ARB2A: variants seen among roughly 807,000 people sequenced by gnomAD.
ARB2A encodes the protein ARB2 cotranscriptional regulator A.
chr5:93,657,332 A>G, the ARB2A span, among the ~76,000 whole-genome samples: 1 of 152,196 alleles, frequency 6.6e-6, no homozygotes, highest in Non-Finnish European at 1.5e-5. Context: ...TAATGCTAGT[A>G]AGCAAGCTGG....
chr5:93,744,434 CAAAAAAAAAAAAAA>C, the ARB2A span, among the ~76,000 whole-genome samples: 6 of 14,536 alleles, frequency 4.1e-4, no homozygotes, highest in Non-Finnish European at 6.6e-4. Context: ...GACTCAGTCT[CAAAAAAAAAAAAAA>C]AAAAAAAAAA....
At chr5:93,933,319 T>C in the ARB2A span, among the ~76,000 whole-genome samples, 1 of 152,188 alleles carries the variant, frequency 6.6e-6, no homozygotes. Flanking sequence ...CCTAAAGGAT[T>C]ATAAATCATT....
At chr5:93,676,561 C>G in the ARB2A span, among the ~76,000 whole-genome samples, 1 of 152,076 alleles carries the variant, frequency 6.6e-6, no homozygotes, top group Non-Finnish European at 1.5e-5. Flanking sequence ...TCATTCTGAA[C>G]AATGAAACAT....
At chr5:93,974,799 T>C in the ARB2A span, among the ~76,000 whole-genome samples, 1 of 151,976 alleles carries the variant, frequency 6.6e-6, no homozygotes, top group African/African-American at 2.4e-5. Context: ...CATGGTGGAA[T>C]AAAAATAGAA....
chr5:94,051,733 T>C, the ARB2A span, among the ~76,000 whole-genome samples: 1 of 152,236 alleles, frequency 6.6e-6, no homozygotes, highest in African/African-American at 2.4e-5. Context: ...CAGAGAAACA[T>C]TCCTCATATC....
the ARB2A span, among the ~76,000 whole-genome samples, chr5:93,816,704 T>G: frequency 6.6e-6 from 1 of 152,158 alleles, no homozygotes; most frequent in Non-Finnish European, 1.5e-5. Context: ...ATTAGTGAAA[T>G]TTTTCTCCAC....
chr5:93,682,927 T>C, the ARB2A span: 1 of 1,576,186 alleles, frequency 6.3e-7, no homozygotes, highest in Non-Finnish European at 8.6e-7. Context: ...TGAATTTGGC[T>C]TCCACTTTGG....
chr5:93,833,050 G>C, the ARB2A span, among the ~76,000 whole-genome samples: 1 of 152,126 alleles, frequency 6.6e-6, no homozygotes. Flanking sequence ...GGTGGCTCAG[G>C]ATTACCTGCC....
At chr5:93,718,154 T>C in the ARB2A span, among the ~76,000 whole-genome samples, 2 of 151,912 alleles carry the variant, frequency 1.3e-5, no homozygotes, top group Non-Finnish European at 2.9e-5. Context: ...AAATAGAGTA[T>C]GACTCGGCTG....
At chr5:93,646,229 A>T in the ARB2A span, among the ~76,000 whole-genome samples, 1 of 152,276 alleles carries the variant, frequency 6.6e-6, no homozygotes, top group Non-Finnish European at 1.5e-5. Context: ...CAAGGGTGAA[A>T]AATAAGAATC....
chr5:93,653,906 C>T, the ARB2A span, among the ~76,000 whole-genome samples: 27 of 152,338 alleles, frequency 1.8e-4, no homozygotes, highest in East Asian at 3.7e-3. Context: ...ACTGGACTCA[C>T]ATCCATGTTT....
chr5:93,661,119 G>A, the ARB2A span, among the ~76,000 whole-genome samples: 3 of 152,106 alleles, frequency 2.0e-5, no homozygotes, highest in Non-Finnish European at 4.4e-5. Context: ...GAAAGACATG[G>A]CCCCTGTTTT....
chr5:93,705,776 C>T, the ARB2A span, among the ~76,000 whole-genome samples: 2 of 151,806 alleles, frequency 1.3e-5, no homozygotes, highest in Admixed American at 6.6e-5. Context: ...GAGTAAATGC[C>T]CTTCACTGAA....
chr5:93,848,744 C>G, the ARB2A span, among the ~76,000 whole-genome samples: 2 of 152,172 alleles, frequency 1.3e-5, no homozygotes, highest in Non-Finnish European at 2.9e-5. Flanking sequence ...GAACAAAGGG[C>G]TTCAAAGAAT....
the ARB2A span, among the ~76,000 whole-genome samples, chr5:93,766,091 G>A: frequency 6.6e-6 from 1 of 152,100 alleles, no homozygotes; most frequent in Non-Finnish European, 1.5e-5. Flanking sequence ...AATCCTAGAA[G>A]AAAACCTAGG....
At chr5:93,780,315 G>A in the ARB2A span, among the ~76,000 whole-genome samples, 3 of 152,160 alleles carry the variant, frequency 2.0e-5, no homozygotes, top group South Asian at 2.1e-4. Context: ...GAGGCCAGGG[G>A]TATGTTGGGA....
At chr5:94,000,627 T>C in the ARB2A span, among the ~76,000 whole-genome samples, 1 of 152,102 alleles carries the variant, frequency 6.6e-6, no homozygotes. Flanking sequence ...TCTCTTAACA[T>C]TGTTTTTTGT....
At chr5:93,871,730 T>C in the ARB2A span, among the ~76,000 whole-genome samples, 6 of 152,178 alleles carry the variant, frequency 3.9e-5, no homozygotes, top group African/African-American at 1.4e-4. Context: ...TATGTCATCA[T>C]AGGTTTATTG....
At chr5:93,924,852 T>G in the ARB2A span, among the ~76,000 whole-genome samples, 1 of 152,286 alleles carries the variant, frequency 6.6e-6, no homozygotes, top group African/African-American at 2.4e-5. Flanking sequence ...ACCTCTGCTT[T>G]TTCTTAGTCC....
Sources: allele counts gnomAD v4.1 joint callset (sites outside exome capture counted in the v4.1 genomes callset), GRCh38; gene constraint gnomAD v4.1.1; transcripts MANE v1.5; gene names NCBI Gene and HGNC (gene_info 2026-07-23, HGNC 2026-07-21).